The following SLC22A15 variants were observed in gnomAD, a reference collection of about 807,000 sequenced individuals.
SLC22A15 encodes the protein solute carrier family 22 member 15.
SLC22A15 carries 45 observed loss-of-function variants against 62.7 expected under a neutral mutation model. That is an observed-to-expected ratio of 0.72 (90% CI 0.56 to 0.92). The LOEUF (loss-of-function observed/expected upper bound fraction) is 0.92, where lower values mean the gene tolerates loss of function less well. Among genes scored for constraint, SLC22A15 ranks in the 40% least tolerant of loss-of-function variants. The probability of loss-of-function intolerance (pLI) is 0.00; values close to 1 mark genes in which losing one functional copy is unlikely to be tolerated. For missense variants in SLC22A15, 622 were observed against 665.6 expected, an observed-to-expected ratio of 0.93 and a Z score of 0.72; for synonymous variants, 264 against 267.0, an observed-to-expected ratio of 0.99 and a Z score of 0.11.
intron 1 of SLC22A15, among the ~76,000 whole-genome samples, chr1:115,979,283 CT>C (rs1253604393): frequency 2.0e-5 from 3 of 152,142 alleles, no homozygotes; most frequent in Non-Finnish European, 4.4e-5. Context: ...ATCCAGTTTC[CT>C]TTGGCTAGGA....
intron 6 of SLC22A15, 84 bp downstream of exon 6, chr1:116,031,665 CA>C: frequency 6.4e-7 from 1 of 1,565,126 alleles, no homozygotes; most frequent in South Asian, 1.2e-5. Flanking sequence ...CTTCAGGGTA[CA>C]GGGAATTTTA....
intron 2 of SLC22A15, among the ~76,000 whole-genome samples, chr1:116,016,315 C>G (rs1320173408): frequency 6.6e-6 from 1 of 152,072 alleles, no homozygotes; most frequent in Non-Finnish European, 1.5e-5. Flanking sequence ...TAGCCCCAAC[C>G]TCCCAGGCTC....
At chr1:116,019,116 A>G (rs899681272) in intron 2 of SLC22A15, among the ~76,000 whole-genome samples, 40 of 152,190 alleles carry the variant, frequency 2.6e-4, no homozygotes, top group Non-Finnish European at 4.4e-4. Flanking sequence ...TCATATGGTA[A>G]TTCTGTGTTT....
At chr1:116,036,512 C>A (rs756877055) in intron 7 of SLC22A15, among the ~76,000 whole-genome samples, 6 of 152,128 alleles carry the variant, frequency 3.9e-5, no homozygotes, top group South Asian at 2.1e-4. Flanking sequence ...ACCAGGCAGA[C>A]CTGAATTCAG....
chr1:116,015,657 C>T lies in SLC22A15; in HGVS notation c.301-3925C>T, dbSNP rs112831263. Among the ~76,000 whole-genome samples, 26 of 152,098 alleles carry T rather than the reference C, an allele frequency of 1.7e-4. No homozygotes were observed. In the East Asian group the frequency reaches 4.3e-3, roughly 25 times the overall value. Reference sequence around the variant, plus strand: ...AACAGGCCAAGATCAGTATCTTGGCCGTGTAAACAGACTAGCAAAACTTGA... The same window carrying T: ...AACAGGCCAAGATCAGTATCTTGGCTGTGTAAACAGACTAGCAAAACTTGA... On this transcript the variant is annotated intron_variant, in intron 2 of 11. Coordinates refer to ENST00000369503, the MANE Select transcript of SLC22A15 (RefSeq NM_018420.3).
At chr1:116,030,845 C>G (rs1350304980) in intron 5 of SLC22A15, among the ~76,000 whole-genome samples, 1 of 151,952 alleles carries the variant, frequency 6.6e-6, no homozygotes, top group African/African-American at 2.4e-5. Flanking sequence ...TAATCTCTAC[C>G]TCCTACATGT....
chr1:116,013,987 A>T (rs1446474442), intron 2 of SLC22A15: 1 of 152,110 alleles, frequency 6.6e-6, no homozygotes, highest in Non-Finnish European at 1.5e-5. Context: ...CATGCTTGCT[A>T]CCTCCATTCT....
At chr1:116,030,987 A>G (rs928888193) in intron 5 of SLC22A15, among the ~76,000 whole-genome samples, 2 of 152,160 alleles carry the variant, frequency 1.3e-5, no homozygotes, top group African/African-American at 4.8e-5. Context: ...ACACTTGGCT[A>G]GGATTTAGAG....
chr1:116,013,859 C>T (rs1656397454), intron 2 of SLC22A15: 1 of 152,384 alleles, frequency 6.6e-6, no homozygotes, highest in South Asian at 2.1e-4. Flanking sequence ...GGATGACTCG[C>T]CCCAGATCTC....
chr1:116,064,596 T>A, intron 10 of SLC22A15, 88 bp downstream of exon 10: 1 of 885,568 alleles, frequency 1.1e-6, no homozygotes, highest in Non-Finnish European at 1.9e-6. Context: ...GATGAACAGA[T>A]GTCATTTAAG....
At chr1:116,045,170 A>G (rs565819595) in intron 8 of SLC22A15, among the ~76,000 whole-genome samples, 1 of 151,928 alleles carries the variant, frequency 6.6e-6, no homozygotes, top group South Asian at 2.1e-4. Flanking sequence ...CAGCCTCCCA[A>G]GTAGCTGGGA....
At chr1:116,023,062 C>T (rs1006760939) in intron 4 of SLC22A15, among the ~76,000 whole-genome samples, 5 of 152,068 alleles carry the variant, frequency 3.3e-5, no homozygotes, top group African/African-American at 9.7e-5. Flanking sequence ...TCAGAGAAAA[C>T]CCTAAATGTT....
rs752950194 is a variant in SLC22A15, at chr1:116,019,570, A to G, written c.301-12A>G. The G allele has an allele frequency of 3.2e-6, 5 of 1,583,640 alleles. No individual in the cohort carries two copies. Among genetic ancestry groups the G allele is most frequent in the African/African-American group, 2.7e-5 (2 of 72,798 alleles). ...ATCCTACATGTCTCTCTTTTGTTTTATCTTCCTCTAGTGGTTTTTAATTGC... is the reference window on the plus strand; with the variant it reads ...ATCCTACATGTCTCTCTTTTGTTTTGTCTTCCTCTAGTGGTTTTTAATTGC... On this transcript the variant is annotated splice_polypyrimidine_tract_variant and intron_variant, in intron 2 of 11. Coordinates refer to ENST00000369503, the MANE Select transcript of SLC22A15 (RefSeq NM_018420.3).
At chr1:116,065,573 G>A (rs1031008336) in intron 10 of SLC22A15, among the ~76,000 whole-genome samples, 3 of 151,586 alleles carry the variant, frequency 2.0e-5, no homozygotes, top group African/African-American at 4.9e-5. Context: ...TAGATGGCTA[G>A]AGATGAGAGA....
chr1:116,007,452 T>C (rs1570718224), intron 2 of SLC22A15, among the ~76,000 whole-genome samples: 1 of 152,014 alleles, frequency 6.6e-6, no homozygotes. Context: ...GTTGGAGGAG[T>C]ACAGTTGGCA....
chr1:116,050,421 G>A (rs1658019169), intron 8 of SLC22A15, among the ~76,000 whole-genome samples: 1 of 152,158 alleles, frequency 6.6e-6, no homozygotes, highest in Non-Finnish European at 1.5e-5. Flanking sequence ...TCATACCAGG[G>A]AAGCAGGGAT....
At chr1:115,977,163 A>G (rs75308473) in intron 1 of SLC22A15, among the ~76,000 whole-genome samples, 3,663 of 152,286 alleles carry the variant, frequency 0.024, 153 homozygotes, top group African/African-American at 0.084. Context: ...GGTTGTGTCT[A>G]GGATCGCCTC....
chr1:116,003,259 C>G (rs549525451), intron 2 of SLC22A15, among the ~76,000 whole-genome samples: 1 of 152,162 alleles, frequency 6.6e-6, no homozygotes, highest in African/African-American at 2.4e-5. Context: ...ACTCTTCCCT[C>G]TTTTCCTGGA....
chr1:115,977,500 A>G (rs1179195694), intron 1 of SLC22A15, among the ~76,000 whole-genome samples: 3 of 152,254 alleles, frequency 2.0e-5, no homozygotes, highest in Non-Finnish European at 2.9e-5. Flanking sequence ...TAAATGGCTC[A>G]TTTGACATTA....
Sources: gnomAD v4.1 joint callset for allele counts (sites outside exome capture counted in the v4.1 genomes callset) on GRCh38, gnomAD v4.1.1 for gene constraint, MANE v1.5 for transcripts, NCBI Gene and HGNC (gene_info 2026-07-23, HGNC 2026-07-21) for gene names.